FAM168B: variants seen among roughly 807,000 people sequenced by gnomAD.
FAM168B encodes myelin-associated neurite-outgrowth inhibitor.
In FAM168B, 19 loss-of-function variants were observed where a neutral mutation model predicts 21.8. The ratio of observed to expected loss-of-function variants is 0.87; its 90% CI spans 0.61 to 1.28. The LOEUF (loss-of-function observed/expected upper bound fraction) is 1.28. FAM168B is among the 50% of genes most tolerant of loss of function. FAM168B has a pLI of 0.00. For synonymous variants in FAM168B, 126 were observed against 104.8 expected (o/e 1.20, Z -1.24); for missense variants, 233 against 263.1 (o/e 0.89, Z 0.79).
chr2:131,057,221 A>C (rs1036458152), intron 3 of FAM168B, among the ~76,000 whole-genome samples: 1 of 152,222 alleles, frequency 6.6e-6, no homozygotes, highest in South Asian at 2.1e-4. Flanking sequence ...CAGGTCCACG[A>C]AAGACTTGTA....
intron 3 of FAM168B, among the ~76,000 whole-genome samples, chr2:131,069,454 A>G (rs1042080574): frequency 6.6e-6 from 1 of 152,212 alleles, no homozygotes; most frequent in African/African-American, 2.4e-5. Flanking sequence ...AGAAAAAAGA[A>G]GAAAATCTTT....
chr2:131,056,828 T>C (rs973500966), intron 3 of FAM168B, among the ~76,000 whole-genome samples: 4 of 152,042 alleles, frequency 2.6e-5, no homozygotes, highest in Non-Finnish European at 5.9e-5. Flanking sequence ...CAAGGACACA[T>C]GCTGGATGCA....
At chr2:131,070,593 C>T (rs1344342776) in intron 3 of FAM168B, among the ~76,000 whole-genome samples, 1 of 152,328 alleles carries the variant, frequency 6.6e-6, no homozygotes, top group African/African-American at 2.4e-5. Context: ...ACACAATAAC[C>T]TGCATATAAA....
intron 3 of FAM168B, among the ~76,000 whole-genome samples, chr2:131,065,807 G>GAAAAAAAAAA (rs796177546): frequency 3.2e-5 from 3 of 94,846 alleles, no homozygotes; most frequent in Non-Finnish European, 4.6e-5. Flanking sequence ...AAGAAAAAAA[G>GAAAAAAAAAA]AAAAAAAAAA....
chr2:131,068,957 A>C (rs1186983384), intron 3 of FAM168B, among the ~76,000 whole-genome samples: 1 of 152,206 alleles, frequency 6.6e-6, no homozygotes, highest in African/African-American at 2.4e-5. Context: ...TCGAGGCTGC[A>C]GTGAGGCGTG....
chr2:131,090,020 G>A (rs1217281617), intron 1 of FAM168B, among the ~76,000 whole-genome samples: 6 of 119,732 alleles, frequency 5.0e-5, no homozygotes, highest in Admixed American at 2.6e-4. Flanking sequence ...CGACATGGAC[G>A]CTCCATCTCA....
chr2:131,064,119 T>C (rs1263290316), intron 3 of FAM168B, among the ~76,000 whole-genome samples: 1 of 152,122 alleles, frequency 6.6e-6, no homozygotes, highest in African/African-American at 2.4e-5. Flanking sequence ...CTCCTTCCAC[T>C]TCACCAGACC....
Position 131,053,694 on chromosome 2 carries a change from T to C in FAM168B, c.476-679A>G, listed in dbSNP as rs1000100404. Among the ~76,000 whole-genome samples, 13 of 152,080 alleles carry C rather than the reference T, an allele frequency of 8.5e-5. No individual in the cohort carries two copies. In the East Asian group the frequency reaches 1.7e-3, roughly 20 times the overall value. On this transcript the variant is annotated intron_variant, in intron 5 of 6. Transcript: ENST00000389915. ...GAGCTTGAGATGCGCCTGGGCAACA[T>C]AGTGAGATCCCAGCTCTACAAAAAG...
rs560255233 is a variant in FAM168B at position 131,048,432 on chromosome 2, G to A, written c.*4033C>T. 3.0e-5 allele frequency: 37 copies of A among 1,215,444 alleles called. No homozygotes were observed. Among genetic ancestry groups the A allele is most frequent in the African/African-American group, 1.4e-4 (9 of 64,106 alleles). The allele number at this position is 1,215,444 out of a possible 1,614,324, so 75.3% of individuals were successfully genotyped here. ...GGGGGGGGGTCCCTACACAGACGCC[G>A]CTCATCCTCTGTCTCCCCTTCCCAA... On this transcript the variant is annotated 3_prime_UTR_variant, in exon 7 of 7. Coordinates refer to ENST00000389915, the MANE Select transcript of FAM168B (RefSeq NM_001009993.4).
In FAM168B at chr2:131,051,950, A is replaced by G. The variant is rs1691704495; in HGVS notation, c.*515T>C. On this transcript the variant is annotated 3_prime_UTR_variant, in exon 7 of 7. Coordinates refer to ENST00000389915, the MANE Select transcript of FAM168B (RefSeq NM_001009993.4). ...TCCACATCCCTAACTGGCAACCCACATCAACCCCAAAAGGTTGAAGAATCA... is the reference window on the plus strand; with the variant it reads ...TCCACATCCCTAACTGGCAACCCACGTCAACCCCAAAAGGTTGAAGAATCA... 1 of 985,408 alleles carries G rather than the reference A, an allele frequency of 1.0e-6. No individual in the cohort carries two copies. Among genetic ancestry groups the G allele is most frequent in the African/African-American group, 1.7e-5 (1 of 57,252 alleles). 61.0% of individuals were successfully genotyped at this position (985,408 alleles called of 1,614,324 possible). A position where few individuals can be genotyped will look rare whatever the true frequency, so the allele number is the denominator to read the frequency against.
chr2:131,064,235 AT>A (rs925641895), intron 3 of FAM168B, among the ~76,000 whole-genome samples: 8 of 149,346 alleles, frequency 5.4e-5, no homozygotes, highest in South Asian at 4.3e-4. Flanking sequence ...TAAATAGGTC[AT>A]TTTTTTTTTC....
At chr2:131,080,828 C>T (rs1693395125) in intron 2 of FAM168B, among the ~76,000 whole-genome samples, 1 of 151,604 alleles carries the variant, frequency 6.6e-6, no homozygotes, top group Non-Finnish European at 1.5e-5. Flanking sequence ...CGCCACCATG[C>T]CTGGCTAATT....
intron 5 of FAM168B, among the ~76,000 whole-genome samples, chr2:131,055,044 G>A (rs1351818230): frequency 1.3e-5 from 2 of 152,180 alleles, no homozygotes; most frequent in African/African-American, 2.4e-5. Context: ...AAATGGCTCA[G>A]TTCACCAACA....
chr2:131,047,946 C>A lies in FAM168B; in HGVS notation c.*4519G>T. ...AACAATTCTTGTTACAATAAACGTG[C>A]TTTTGAGATTTTTAAATCTGAGCTC... On this transcript the variant is annotated 3_prime_UTR_variant, in exon 7 of 7. Coordinates refer to ENST00000389915, the MANE Select transcript of FAM168B (RefSeq NM_001009993.4). 4.5e-6 allele frequency: 1 copy of A among 221,650 alleles called. No homozygotes were observed. Among genetic ancestry groups the A allele is most frequent in the Non-Finnish European group, 9.3e-6 (1 of 107,662 alleles). The allele number at this position is 221,650 out of a possible 1,614,324, so 13.7% of individuals were successfully genotyped here. A position where few individuals can be genotyped will look rare whatever the true frequency, so the allele number is the denominator to read the frequency against.
chr2:131,069,538 G>C (rs1460425368), intron 3 of FAM168B, among the ~76,000 whole-genome samples: 1 of 151,914 alleles, frequency 6.6e-6, no homozygotes, highest in Non-Finnish European at 1.5e-5. Context: ...CTGTCGCTCA[G>C]GCTGGAGTGC....
Position 131,052,876 on chromosome 2 carries a change from T to C in FAM168B, c.*12+15A>G. 6.5e-7 allele frequency: 1 copy of C among 1,548,528 alleles called. No individual in the cohort carries two copies. Among genetic ancestry groups the C allele is most frequent in the Non-Finnish European group, 8.7e-7 (1 of 1,145,292 alleles). On this transcript the variant is annotated intron_variant, in intron 6 of 6. Coordinates refer to ENST00000389915, the MANE Select transcript of FAM168B (RefSeq NM_001009993.4). ...CTTTCATCAAAGGCTAGCCCAGCCTTCCCTGGTCACTTACATTTGCAGGTG... is the reference window on the plus strand; with the variant it reads ...CTTTCATCAAAGGCTAGCCCAGCCTCCCCTGGTCACTTACATTTGCAGGTG...
At chr2:131,066,236 ATC>A (rs1175637672) in intron 3 of FAM168B, among the ~76,000 whole-genome samples, 2 of 145,788 alleles carry the variant, frequency 1.4e-5, no homozygotes, top group Non-Finnish European at 3.0e-5. Flanking sequence ...TGCGATCTCG[ATC>A]TCGACTCACT....
Position 131,050,879 on chromosome 2 carries a change from C to T in FAM168B, c.*1586G>A. 1.0e-6 allele frequency: 1 copy of T among 985,738 alleles called. No homozygotes were observed. The highest frequency in any genetic ancestry group is 1.2e-6 in the Non-Finnish European group (1 of 830,196). The allele number at this position is 985,738 out of a possible 1,614,324, so 61.1% of individuals were successfully genotyped here. On this transcript the variant is annotated 3_prime_UTR_variant, in exon 7 of 7. Coordinates refer to ENST00000389915, the MANE Select transcript of FAM168B (RefSeq NM_001009993.4). Reference sequence around the variant, plus strand: ...TGCACTGGGAAGAAGACGCACGCTCCTGCCCTAGAGGCCGCTGAAAGGGAC... The same window carrying T: ...TGCACTGGGAAGAAGACGCACGCTCTTGCCCTAGAGGCCGCTGAAAGGGAC...
chr2:131,067,893 A>G (rs932739391), intron 3 of FAM168B, among the ~76,000 whole-genome samples: 23 of 152,212 alleles, frequency 1.5e-4, no homozygotes, highest in African/African-American at 5.5e-4. Context: ...TATAAAATTC[A>G]AAACATGAAG....
Sources: gnomAD v4.1 joint callset for allele counts (sites outside exome capture counted in the v4.1 genomes callset) on GRCh38, gnomAD v4.1.1 for gene constraint, MANE v1.5 for transcripts, NCBI Gene and HGNC (gene_info 2026-07-23, HGNC 2026-07-21) for gene names.